The following CSMD1 variants were observed in gnomAD, a reference collection of about 807,000 sequenced individuals.
CSMD1 encodes the protein CUB and sushi domain-containing protein 1.
CSMD1 carries 213 observed loss-of-function variants against 417.5 expected under a neutral mutation model. The ratio of observed to expected loss-of-function variants is 0.51; its 90% CI spans 0.46 to 0.57. The LOEUF (loss-of-function observed/expected upper bound fraction) is 0.57. CSMD1 is among the 20% of genes least tolerant of loss of function. CSMD1 has a pLI of 0.00. For synonymous variants in CSMD1, 2,862 were observed against 1,736.8 expected (o/e 1.65, Z -16.11); for missense variants, 6,923 against 4,529.7 (o/e 1.53, Z -15.17).
chr8:4,499,227 T>C (rs933662204), intron 2 of CSMD1, among the ~76,000 whole-genome samples: 1 of 151,886 alleles, frequency 6.6e-6, no homozygotes, highest in Non-Finnish European at 1.5e-5. Flanking sequence ...ACAAGGTGAG[T>C]CTTAAATAAA....
intron 3 of CSMD1, among the ~76,000 whole-genome samples, chr8:4,069,866 C>T (rs971671115): frequency 3.3e-5 from 5 of 151,830 alleles, no homozygotes; most frequent in Non-Finnish European, 7.4e-5. Context: ...CTATCCGGTA[C>T]TGCAACAGTA....
intron 3 of CSMD1, among the ~76,000 whole-genome samples, chr8:4,148,963 T>TA (rs879630683): frequency 1.1e-5 from 1 of 87,318 alleles, no homozygotes; most frequent in African/African-American, 2.9e-5. Flanking sequence ...CATTTCATAT[T>TA]AACTTTTTTT....
chr8:4,680,134 A>T (rs1053280401), intron 1 of CSMD1, among the ~76,000 whole-genome samples: 3 of 152,232 alleles, frequency 2.0e-5, no homozygotes, highest in African/African-American at 7.2e-5. Context: ...TAAAAGGACA[A>T]CTATGAATAT....
rs532094385 is a variant in CSMD1, at chr8:3,292,522, A to G, written c.3951-8176T>C. Among the ~76,000 whole-genome samples the G allele has an allele frequency of 1.0e-3, 156 of 152,176 alleles. 1 individual carries two copies. Among genetic ancestry groups the G allele is most frequent in the Admixed American group, 9.8e-3 (150 of 15,262 alleles). On this transcript the variant is annotated intron_variant, in intron 25 of 69. Coordinates refer to ENST00000635120, the MANE Select transcript of CSMD1 (RefSeq NM_033225.6). ...GAATCTGCGTGCTCCTGTATTGGGT[A>G]CATATATATTTAGGAGAGCTAGCTT...
chr8:3,903,866 T>A (rs566050065), intron 5 of CSMD1, among the ~76,000 whole-genome samples: 27 of 151,578 alleles, frequency 1.8e-4, no homozygotes, highest in Non-Finnish European at 3.2e-4. Context: ...AGGGAGTCAT[T>A]GCCATATATA....
At chr8:4,823,755 G>C (rs536132756) in intron 1 of CSMD1, among the ~76,000 whole-genome samples, 40 of 152,154 alleles carry the variant, frequency 2.6e-4, no homozygotes, top group African/African-American at 9.2e-4. Context: ...AACTTAGCCA[G>C]TGTGGTGGTG....
Position 3,307,675 on chromosome 8 carries a change from A to C in CSMD1, c.3950+20T>G. The C allele has an allele frequency of 6.2e-7, 1 of 1,610,710 alleles. No homozygotes were observed. The highest frequency in any genetic ancestry group is 8.5e-7 in the Non-Finnish European group (1 of 1,178,308). ...CATATCTCTTTTCTCAAATCACTGA[A>C]ACCAAAATAAAACAAGTACCTAATG... On this transcript the variant is annotated intron_variant, in intron 25 of 69. Transcript: ENST00000635120.
intron 3 of CSMD1, among the ~76,000 whole-genome samples, chr8:4,199,247 G>A (rs1799513049): frequency 6.6e-6 from 1 of 152,286 alleles, no homozygotes; most frequent in Non-Finnish European, 1.5e-5. Context: ...CCTATAGTGT[G>A]AACACGCTAA....
intron 1 of CSMD1, among the ~76,000 whole-genome samples, chr8:4,815,147 G>A (rs770749722): frequency 6.6e-6 from 1 of 152,158 alleles, no homozygotes; most frequent in African/African-American, 2.4e-5. Flanking sequence ...ATCAGGAAGA[G>A]TTGGAACGTG....
At chr8:3,353,445 C>A (rs1211584979) in intron 21 of CSMD1, among the ~76,000 whole-genome samples, 1 of 152,168 alleles carries the variant, frequency 6.6e-6, no homozygotes, top group African/African-American at 2.4e-5. Flanking sequence ...TTCCTTATTT[C>A]CAAAGCTGTG....
At chr8:4,627,580 G>A (rs533861336) in intron 2 of CSMD1, among the ~76,000 whole-genome samples, 43 of 152,138 alleles carry the variant, frequency 2.8e-4, no homozygotes, top group African/African-American at 1.0e-3. Flanking sequence ...ATTTCTTCAT[G>A]AAATTTGATT....
At chr8:3,656,062 A>T (rs1798086886) in intron 7 of CSMD1, among the ~76,000 whole-genome samples, 1 of 152,214 alleles carries the variant, frequency 6.6e-6, no homozygotes, top group African/African-American at 2.4e-5. Context: ...GATATATTTC[A>T]AATAATGCCC....
intron 1 of CSMD1, among the ~76,000 whole-genome samples, chr8:4,966,234 C>A: frequency 8.0e-6 from 1 of 125,176 alleles, no homozygotes. Context: ...AAAAAATTAG[C>A]TGGGTATGGT....
intron 2 of CSMD1, among the ~76,000 whole-genome samples, chr8:4,474,128 A>G (rs190433235): frequency 6.6e-6 from 1 of 152,344 alleles, no homozygotes; most frequent in Admixed American, 6.5e-5. Context: ...GAGATTGAAA[A>G]TGATAAATTT....
intron 11 of CSMD1, among the ~76,000 whole-genome samples, chr8:3,474,655 C>T (rs548469732): frequency 1.3e-5 from 2 of 152,162 alleles, no homozygotes; most frequent in African/African-American, 4.8e-5. Flanking sequence ...ATCAATTAGC[C>T]TAAGGGGAAA....
chr8:4,013,192 C>G (rs545946624), intron 4 of CSMD1, among the ~76,000 whole-genome samples: 1 of 152,082 alleles, frequency 6.6e-6, no homozygotes. Flanking sequence ...TCTACAGGGC[C>G]CACTCCTATC....
At chr8:3,760,400 T>G (rs958985622) in intron 5 of CSMD1, among the ~76,000 whole-genome samples, 1 of 152,238 alleles carries the variant, frequency 6.6e-6, no homozygotes, top group Non-Finnish European at 1.5e-5. Flanking sequence ...TCCTTACAGT[T>G]ACGACGACCT....
intron 3 of CSMD1, among the ~76,000 whole-genome samples, chr8:4,110,794 A>G (rs1004474203): frequency 1.1e-4 from 16 of 152,110 alleles, no homozygotes; most frequent in Admixed American, 1.0e-3. Flanking sequence ...ATTTTCAAGA[A>G]TATGTATGTT....
intron 62 of CSMD1, among the ~76,000 whole-genome samples, chr8:2,960,834 C>A (rs535737481): frequency 2.5e-4 from 38 of 150,952 alleles, no homozygotes; most frequent in African/African-American, 9.2e-4. Context: ...ATTTAACAGA[C>A]AAATAATAGA....
Sources: gnomAD v4.1 joint callset for allele counts (sites outside exome capture counted in the v4.1 genomes callset) on GRCh38, gnomAD v4.1.1 for gene constraint, MANE v1.5 for transcripts, NCBI Gene and HGNC (gene_info 2026-07-23, HGNC 2026-07-21) for gene names.